ACOT1: variants seen among roughly 807,000 people sequenced by gnomAD.
ACOT1 encodes the protein acyl-coenzyme A thioesterase 1.
ACOT1 carries 8 observed loss-of-function variants against 15.7 expected under a neutral mutation model. The observed-to-expected ratio is 0.51, with a 90% CI of 0.30 to 0.92. ACOT1 has a LOEUF of 0.92. Ranked by LOEUF, ACOT1 falls within the 40% of genes least tolerant of loss-of-function variation. The pLI, the probability that ACOT1 is intolerant of heterozygous loss-of-function variation, is 0.06. For missense variants in ACOT1, 151 were observed against 539.4 expected (o/e 0.28, Z 7.13); for synonymous variants, 67 against 241.2 (o/e 0.28, Z 6.69).
At chr14:73,503,056 G>T in the ACOT1 span, 2 of 1,431,482 alleles carry the variant, frequency 1.4e-6, no homozygotes, top group Non-Finnish European at 2.0e-6. Context: ...CTTAATGAAT[G>T]TTAATTTTGT....
chr14:73,514,183 G>A, the ACOT1 span: 7 of 1,614,052 alleles, frequency 4.3e-6, no homozygotes, highest in Non-Finnish European at 5.9e-6. Flanking sequence ...CATATCCTTG[G>A]CGGGGGTGGG....
At chr14:73,511,996 T>C in the ACOT1 span, 1 of 1,613,854 alleles carries the variant, frequency 6.2e-7, no homozygotes, top group Non-Finnish European at 8.5e-7. Context: ...AGTTCAGCTT[T>C]GGCTCTCACC....
the ACOT1 span, chr14:73,527,138 A>T: frequency 6.6e-6 from 1 of 152,198 alleles, no homozygotes; most frequent in Non-Finnish European, 1.5e-5. Context: ...AAGTCACAGC[A>T]CTTAATCCCC....
At chr14:73,517,784 G>A in the ACOT1 span, among the ~76,000 whole-genome samples, 1 of 151,702 alleles carries the variant, frequency 6.6e-6, no homozygotes, top group Admixed American at 6.6e-5. Flanking sequence ...AAAAAGGAAG[G>A]GAGGAAGGAG....
At chr14:73,509,457 G>A in the ACOT1 span, 9 of 1,613,836 alleles carry the variant, frequency 5.6e-6, no homozygotes, top group Admixed American at 1.2e-4. Context: ...CCTCCGGCAA[G>A]TCCTGGATGG....
At chr14:73,493,101 GTCT>G in the ACOT1 span, 69 of 1,611,652 alleles carry the variant, frequency 4.3e-5, no homozygotes, top group Admixed American at 5.7e-4. Flanking sequence ...ACCTCGGAAG[GTCT>G]TCTAGGAAGA....
chr14:73,508,048 G>A, the ACOT1 span: 4 of 1,289,082 alleles, frequency 3.1e-6, no homozygotes, highest in East Asian at 9.3e-5. Context: ...CCCGGCCCCA[G>A]CTGCATTTCA....
chr14:73,492,954 A>T, the ACOT1 span: 1 of 1,602,484 alleles, frequency 6.2e-7, no homozygotes, highest in Admixed American at 1.7e-5. The surrounding 1 kb of genome is among the most constrained non-coding windows in gnomAD (Gnocchi z 4.9). Context: ...TTTCTTGTTG[A>T]TTGCTGGAAA....
At chr14:73,505,398 T>G in the ACOT1 span, among the ~76,000 whole-genome samples, 362 of 151,382 alleles carry the variant, frequency 2.4e-3, 4 homozygotes, top group African/African-American at 7.2e-3. Context: ...GTTTTGTTTT[T>G]TTTTGTTTTG....
the ACOT1 span, chr14:73,499,258 A>G: frequency 2.5e-6 from 2 of 808,486 alleles, no homozygotes; most frequent in Non-Finnish European, 2.2e-6. Context: ...AGGTGGGCGG[A>G]TCACTTGACA....
chr14:73,535,652 T>G (rs573646608), upstream of ACOT1, among the ~76,000 whole-genome samples: 77 of 109,610 alleles, frequency 7.0e-4, 14 homozygotes, highest in African/African-American at 1.8e-3. Flanking sequence ...GTATTTTTGG[T>G]TTTTTTTTAG....
the ACOT1 span, among the ~76,000 whole-genome samples, chr14:73,515,381 TA>T: frequency 6.6e-6 from 1 of 151,982 alleles, no homozygotes; most frequent in Non-Finnish European, 1.5e-5. Context: ...TCTTCTAATG[TA>T]AAAAGAGTCC....
the ACOT1 span, chr14:73,491,956 T>C: frequency 6.2e-7 from 1 of 1,613,942 alleles, no homozygotes; most frequent in Non-Finnish European, 8.5e-7. Flanking sequence ...AGTTTTTGGC[T>C]GTGCTTCAAG....
At chr14:73,520,049 A>G in the ACOT1 span, 1 of 152,196 alleles carries the variant, frequency 6.6e-6, no homozygotes, top group African/African-American at 2.4e-5. Context: ...TATCCCTTAT[A>G]AAAAGCTAGA....
chr14:73,515,156 GA>G, the ACOT1 span, among the ~76,000 whole-genome samples: 2 of 151,384 alleles, frequency 1.3e-5, no homozygotes, highest in Non-Finnish European at 2.9e-5. Flanking sequence ...CTCTTTCTCA[GA>G]AAAAAAGCTC....
At chr14:73,537,112 T>G (rs1888887020), upstream of ACOT1, 2 of 246,526 alleles carry the variant, frequency 8.1e-6, 1 homozygote, top group South Asian at 1.2e-4. Context: ...GCCTCCCGAG[T>G]AGCCGGGACG....
chr14:73,492,613 T>C, the ACOT1 span: 1 of 1,613,840 alleles, frequency 6.2e-7, no homozygotes, highest in South Asian at 1.1e-5. This position sits in a 1 kb window ranked among gnomAD's most constrained non-coding sequence, Gnocchi z 4.9. Flanking sequence ...GCTGGGAGGC[T>C]GGAGAACCTG....
the ACOT1 span, among the ~76,000 whole-genome samples, chr14:73,529,375 AAATT>A: frequency 4.3e-4 from 65 of 150,374 alleles, 1 homozygote; most frequent in Admixed American, 3.4e-3. Flanking sequence ...AAAAAAAAAA[AAATT>A]AAGTCAATCC....
At chr14:73,491,406 C>G in the ACOT1 span, 1 of 1,345,378 alleles carries the variant, frequency 7.4e-7, no homozygotes, top group Non-Finnish European at 9.5e-7. Context: ...GCGCCGCCCG[C>G]GCGCCTGGTG....
Sources: gnomAD v4.1 joint callset for allele counts (sites outside exome capture counted in the v4.1 genomes callset) on GRCh38, gnomAD v4.1.1 for gene constraint, Gnocchi (gnomAD v3.1) non-coding constraint, MANE v1.5 for transcripts, NCBI Gene and HGNC (gene_info 2026-07-23, HGNC 2026-07-21) for gene names.